Variants in KLF8 observed in about 807,000 individuals in gnomAD.
KLF8 encodes the protein Krueppel-like factor 8.
A neutral mutation model predicts 18.2 loss-of-function variants in KLF8; 10 were observed. That is an observed-to-expected ratio of 0.55 (90% CI 0.34 to 0.93). KLF8 has a LOEUF of 0.93. Among genes scored for constraint, KLF8 ranks in the 40% least tolerant of loss-of-function variants. The pLI, the probability that KLF8 is intolerant of heterozygous loss-of-function variation, is 0.02. For missense variants in KLF8, 264 were observed against 277.9 expected (o/e 0.95, Z 0.36); for synonymous variants, 109 against 97.3 (o/e 1.12, Z -0.71).
the KLF8 span, among the ~76,000 whole-genome samples, chrX:56,173,101 T>G: frequency 8.9e-6 from 1 of 111,989 alleles, no homozygotes; most frequent in Non-Finnish European, 1.9e-5. Context: ...CTCTTGAGTT[T>G]AATTAGATCC....
chrX:56,156,745 C>CCCGGTGT, the KLF8 span, among the ~76,000 whole-genome samples: 3 of 99,487 alleles, frequency 3.0e-5, no homozygotes, highest in Admixed American at 1.1e-4. Flanking sequence ...CACAACAGGC[C>CCCGGTGT]ATGATGTTCC....
At chrX:56,031,829 G>A in the KLF8 span, among the ~76,000 whole-genome samples, 8 of 111,304 alleles carry the variant, frequency 7.2e-5, no homozygotes, top group East Asian at 8.5e-4. Context: ...CGAGCTCCCC[G>A]AGTGCACAAT....
the KLF8 span, among the ~76,000 whole-genome samples, chrX:56,135,303 A>C: frequency 8.9e-6 from 1 of 111,743 alleles, no homozygotes; most frequent in Non-Finnish European, 1.9e-5. Flanking sequence ...AACCAACCCA[A>C]ATTTCCAACA....
At chrX:56,058,680 A>G in the KLF8 span, among the ~76,000 whole-genome samples, 1 of 109,158 alleles carries the variant, frequency 9.2e-6, no homozygotes, top group Admixed American at 9.8e-5. Flanking sequence ...AAGAACATGA[A>G]CTCATCGTTT....
chrX:56,188,170 G>A, the KLF8 span, among the ~76,000 whole-genome samples: 1 of 111,520 alleles, frequency 9.0e-6, no homozygotes, highest in East Asian at 2.8e-4. Context: ...AGCAACTTCA[G>A]CAAAGTCTCA....
the KLF8 span, among the ~76,000 whole-genome samples, chrX:55,926,504 T>C: frequency 9.0e-6 from 1 of 110,989 alleles, no homozygotes; most frequent in Non-Finnish European, 1.9e-5. Context: ...GTGTATTTAC[T>C]CACGCACTCA....
At chrX:56,050,183 A>G in the KLF8 span, among the ~76,000 whole-genome samples, 10 of 110,588 alleles carry the variant, frequency 9.0e-5, no homozygotes, top group South Asian at 7.8e-4. Context: ...TCTTGCTAGC[A>G]GTCTATCAAT....
At chrX:56,217,130 A>G in the KLF8 span, among the ~76,000 whole-genome samples, 1 of 112,163 alleles carries the variant, frequency 8.9e-6, no homozygotes, top group Non-Finnish European at 1.9e-5. Flanking sequence ...TTACAGAGTT[A>G]GTGAAAATAT....
the KLF8 span, among the ~76,000 whole-genome samples, chrX:55,946,578 A>G: frequency 8.9e-6 from 1 of 111,933 alleles, no homozygotes; most frequent in Non-Finnish European, 1.9e-5. Flanking sequence ...AGGCATGGGC[A>G]AGGACTTCAT....
chrX:56,218,561 C>T, the KLF8 span, among the ~76,000 whole-genome samples: 2 of 111,849 alleles, frequency 1.8e-5, no homozygotes, highest in African/African-American at 6.5e-5. Flanking sequence ...GTCAAAGGAA[C>T]CCATCATGTA....
At chrX:56,188,740 G>A in the KLF8 span, among the ~76,000 whole-genome samples, 1 of 111,811 alleles carries the variant, frequency 8.9e-6, no homozygotes, top group African/African-American at 3.3e-5. Context: ...TCTGATGTTT[G>A]ACAATCCTGA....
chrX:56,267,983 A>G (rs1224731074), intron 3 of KLF8: 1 of 110,345 alleles, frequency 9.1e-6, no homozygotes, highest in Non-Finnish European at 1.9e-5. Flanking sequence ...GCCTCTGGTA[A>G]CTACCATTCT....
chrX:55,916,554 T>A, the KLF8 span, among the ~76,000 whole-genome samples: 1,415 of 98,689 alleles, frequency 0.014, 31 homozygotes, highest in African/African-American at 0.07. Flanking sequence ...TTAATCATCA[T>A]AATGATCTAA....
chrX:56,130,400 A>C, the KLF8 span, among the ~76,000 whole-genome samples: 2 of 111,643 alleles, frequency 1.8e-5, no homozygotes, highest in South Asian at 3.8e-4. Context: ...CAGAAGAGAA[A>C]TAACATTCAT....
At chrX:56,206,363 T>C in the KLF8 span, among the ~76,000 whole-genome samples, 1 of 111,750 alleles carries the variant, frequency 8.9e-6, no homozygotes, top group Non-Finnish European at 1.9e-5. Flanking sequence ...ACAAGGCAAG[T>C]CCCTTCCACC....
the KLF8 span, among the ~76,000 whole-genome samples, chrX:55,998,435 C>A: frequency 2.7e-5 from 3 of 112,542 alleles, no homozygotes; most frequent in Non-Finnish European, 5.6e-5. Flanking sequence ...GAGGTCCCTG[C>A]GGCCTTCCGC....
At chrX:56,129,557 G>A in the KLF8 span, among the ~76,000 whole-genome samples, 1 of 111,441 alleles carries the variant, frequency 9.0e-6, no homozygotes, top group Non-Finnish European at 1.9e-5. Context: ...GATCTGACTT[G>A]TCTCACAGGA....
At chrX:56,096,691 C>T in the KLF8 span, among the ~76,000 whole-genome samples, 2 of 110,466 alleles carry the variant, frequency 1.8e-5, no homozygotes, top group African/African-American at 6.6e-5. Context: ...AACAGGAAAA[C>T]AATAGGGAAT....
chrX:56,217,407 T>TATTTATTTATTC, the KLF8 span, among the ~76,000 whole-genome samples: 1 of 108,229 alleles, frequency 9.2e-6, no homozygotes, highest in Admixed American at 1.0e-4. Context: ...ACTATTTATT[T>TATTTATTTATTC]ATTTATTTAT....
Sources: gnomAD v4.1 joint callset for allele counts (sites outside exome capture counted in the v4.1 genomes callset) on GRCh38, gnomAD v4.1.1 for gene constraint, MANE v1.5 for transcripts, NCBI Gene and HGNC (gene_info 2026-07-23, HGNC 2026-07-21) for gene names.